Variants in FBXO36 observed in about 807,000 individuals in gnomAD.
FBXO36 encodes the protein F-box protein 36.
FBXO36 carries 18 observed loss-of-function variants against 17.0 expected under a neutral mutation model. The observed-to-expected ratio is 1.06, with a 90% CI of 0.73 to 1.57. The LOEUF (loss-of-function observed/expected upper bound fraction) is 1.57, where lower values mean the gene tolerates loss of function less well. Ranked by LOEUF, FBXO36 falls within the 40% of genes most tolerant of loss-of-function variation. The probability of loss-of-function intolerance (pLI) is 0.00; values close to 1 mark genes in which losing one functional copy is unlikely to be tolerated. For synonymous variants in FBXO36, 83 were observed against 85.3 expected, an observed-to-expected ratio of 0.97 and a Z score of 0.15; for missense variants, 229 against 221.9, an observed-to-expected ratio of 1.03 and a Z score of -0.20.
chr2:229,979,417 T>C (rs548212917), intron 2 of FBXO36, among the ~76,000 whole-genome samples: 2 of 152,020 alleles, frequency 1.3e-5, no homozygotes, highest in Admixed American at 1.3e-4. Context: ...TATATAAATG[T>C]GATAGTTTGT....
At chr2:229,956,832 G>A (rs542035122) in intron 1 of FBXO36, among the ~76,000 whole-genome samples, 12 of 152,244 alleles carry the variant, frequency 7.9e-5, no homozygotes, top group African/African-American at 2.2e-4. Context: ...AGCACTCAGC[G>A]CCAAACCTCA....
chr2:230,004,499 A>G (rs186356408), intron 3 of FBXO36, among the ~76,000 whole-genome samples: 158 of 152,272 alleles, frequency 1.0e-3, no homozygotes, highest in Non-Finnish European at 1.6e-3. Flanking sequence ...CCTGACCCTC[A>G]TTCCTCTGAT....
intron 3 of FBXO36, among the ~76,000 whole-genome samples, chr2:229,999,367 T>A (rs1285685010): frequency 2.0e-5 from 3 of 151,020 alleles, no homozygotes; most frequent in Admixed American, 1.3e-4. Context: ...CCTCAGGTGA[T>A]CCACCCACCT....
intron 3 of FBXO36, among the ~76,000 whole-genome samples, chr2:230,005,702 C>T (rs144395513): frequency 8.1e-4 from 124 of 152,306 alleles, no homozygotes; most frequent in African/African-American, 2.6e-3. Flanking sequence ...GAGTCTCACT[C>T]TGTTACTCAG....
At position 229,992,692 on chromosome 2, in the gene FBXO36, C is replaced by A. The variant is rs879625727; in HGVS notation, c.206-4059C>A. Among the ~76,000 whole-genome samples, 11 of 152,152 alleles carry A rather than the reference C, an allele frequency of 7.2e-5. 1 individual carries two copies. The highest frequency in any genetic ancestry group is 3.3e-4 in the Admixed American group (5 of 15,266). On this transcript the variant is annotated intron_variant, in intron 2 of 3. Coordinates refer to ENST00000283946, the MANE Select transcript of FBXO36 (RefSeq NM_174899.5). Reference sequence around the variant, plus strand: ...TGCTGTGTAACAGATTATCCCAAAACGTAATGACTTAAAACTATAATAATT... The same window carrying A: ...TGCTGTGTAACAGATTATCCCAAAAAGTAATGACTTAAAACTATAATAATT...
intron 1 of FBXO36, among the ~76,000 whole-genome samples, chr2:229,928,396 T>C (rs2076923431): frequency 6.6e-6 from 1 of 152,248 alleles, no homozygotes; most frequent in African/African-American, 2.4e-5. Flanking sequence ...TCTTAAGAGT[T>C]ACAGATTTTT....
At chr2:229,955,480 C>A (rs1046153117) in intron 1 of FBXO36, among the ~76,000 whole-genome samples, 1 of 151,402 alleles carries the variant, frequency 6.6e-6, no homozygotes, top group Non-Finnish European at 1.5e-5. Context: ...TGTGCCACTG[C>A]AGTCCAGCCC....
intron 1 of FBXO36, among the ~76,000 whole-genome samples, chr2:229,972,129 G>T (rs900700271): frequency 6.6e-6 from 1 of 151,674 alleles, no homozygotes; most frequent in African/African-American, 2.4e-5. Context: ...AAGTAGCTGG[G>T]ATTACAGGCT....
Position 229,987,412 on chromosome 2 carries a change from AT to A in FBXO36, c.206-9332del, listed in dbSNP as rs371893015. On this transcript the variant is annotated intron_variant, in intron 2 of 3. Transcript: ENST00000283946. ...ATAATGGTAATTTACATTTTCTCTAATTTTTTTCTTAATTAATCTTGCCAGG... is the reference window on the plus strand; with the variant it reads ...ATAATGGTAATTTACATTTTCTCTAATTTTTTCTTAATTAATCTTGCCAGG... Among the ~76,000 whole-genome samples, 18 of 151,424 alleles carry A rather than the reference AT, an allele frequency of 1.2e-4. No homozygotes were observed. The East Asian group carries it at 3.3e-3, about 28-fold the overall frequency.
chr2:229,935,030 A>G (rs1004894644), intron 1 of FBXO36, among the ~76,000 whole-genome samples: 2 of 152,192 alleles, frequency 1.3e-5, no homozygotes, highest in Admixed American at 6.6e-5. Flanking sequence ...TAATAATCCA[A>G]AAGAAAATAC....
intron 1 of FBXO36, among the ~76,000 whole-genome samples, chr2:229,971,602 G>T (rs2077180686): frequency 6.6e-6 from 1 of 152,130 alleles, no homozygotes; most frequent in Non-Finnish European, 1.5e-5. Flanking sequence ...AGAAATGGAA[G>T]GGCAGGTGGG....
chr2:229,950,139 C>T (rs561658733), intron 1 of FBXO36, among the ~76,000 whole-genome samples: 2 of 151,868 alleles, frequency 1.3e-5, no homozygotes, highest in South Asian at 4.2e-4. Flanking sequence ...TTTAAAATCA[C>T]AGCCCAGGCT....
At chr2:229,963,880 C>CA (rs1285809504) in intron 1 of FBXO36, among the ~76,000 whole-genome samples, 1 of 152,208 alleles carries the variant, frequency 6.6e-6, no homozygotes, top group African/African-American at 2.4e-5. Flanking sequence ...TTTTGTACCA[C>CA]AGTGGTGAGT....
chr2:229,939,768 C>T (rs1311393805), intron 1 of FBXO36, among the ~76,000 whole-genome samples: 1 of 152,196 alleles, frequency 6.6e-6, no homozygotes. Context: ...GCCTTTACAG[C>T]AGCTCCTCGA....
intron 1 of FBXO36, among the ~76,000 whole-genome samples, chr2:229,963,340 A>G (rs1468034976): frequency 6.6e-6 from 1 of 151,802 alleles, no homozygotes; most frequent in African/African-American, 2.4e-5. Context: ...CTGGGATTAC[A>G]GATGTGAGCG....
intron 1 of FBXO36, chr2:229,942,895 G>T (rs547662789): frequency 1.3e-5 from 2 of 152,300 alleles, no homozygotes. Context: ...TTTACCACCC[G>T]CCTCTGTCCA....
At chr2:229,937,503 T>C (rs943166880) in intron 1 of FBXO36, among the ~76,000 whole-genome samples, 26 of 151,950 alleles carry the variant, frequency 1.7e-4, no homozygotes, top group African/African-American at 6.0e-4. Context: ...TTCAAAAAAA[T>C]AATAATAATT....
rs1003819693 is a variant in FBXO36, at chr2:230,010,720, G to A, written c.403G>A (p.Glu135Lys). The change falls in exon 4 of 4, where the codon GAA becomes AAA. Residue 135 changes from glutamate to lysine, a missense_variant. Transcript: ENST00000283946. ...AKLCMSDKLW[E>K]QIVQSTCDTI... ...GCTGTGCATGTCTGATAAACTGTGGGAACAGATAGTCCAGTCGACCTGCGA... is the reference window on the plus strand; with the variant it reads ...GCTGTGCATGTCTGATAAACTGTGGAAACAGATAGTCCAGTCGACCTGCGA... The A allele has an allele frequency of 5.6e-6, 9 of 1,612,660 alleles. No homozygotes were observed. Among genetic ancestry groups the A allele is most frequent in the Non-Finnish European group, 7.6e-6 (9 of 1,178,888 alleles).
intron 3 of FBXO36, among the ~76,000 whole-genome samples, chr2:229,998,293 G>T (rs937931127): frequency 1.1e-4 from 17 of 152,062 alleles, no homozygotes; most frequent in African/African-American, 4.1e-4. Flanking sequence ...GCAAAATAGG[G>T]AGATTCCATC....
Sources: gnomAD v4.1 joint callset for allele counts (sites outside exome capture counted in the v4.1 genomes callset) on GRCh38, gnomAD v4.1.1 for gene constraint, MANE v1.5 for transcripts, NCBI Gene and HGNC (gene_info 2026-07-23, HGNC 2026-07-21) for gene names.